CNOT11: variants seen among roughly 807,000 people sequenced by gnomAD.
The protein encoded by CNOT11 is CCR4-NOT transcription complex subunit 11, also known as UPF0760 protein C2orf29.
Under a neutral mutation model 44.6 loss-of-function variants are expected in CNOT11, and 18 were observed. The ratio of observed to expected loss-of-function variants is 0.40; its 90% CI spans 0.28 to 0.60. The LOEUF is 0.60. CNOT11 is among the 20% of genes least tolerant of loss of function. CNOT11 has a pLI of 0.38. For missense variants in CNOT11, 513 were observed against 677.0 expected (o/e 0.76, Z 2.69); for synonymous variants, 291 against 270.9 (o/e 1.07, Z -0.73).
Position 101,266,863 on chromosome 2 carries a change from A to G in CNOT11, c.1222A>G (p.Met408Val), listed in dbSNP as rs1379708185. The change falls in exon 5 of 7, where the codon ATG becomes GTG. Residue 408 changes from methionine to valine, a missense_variant. Around this residue, in one of 4 missense-constraint regions of CNOT11, gnomAD observed 87 missense variants for 185.4 expected, o/e 0.47. Transcript: ENST00000289382. ...CAATATGGACATGTCTTTACATTCA[A>G]TGGAAGTTGTAAATCGGTAAGTTTC... is the stretch of plus-strand genomic sequence containing the variant. ...LVNMDMSLHS[M>V]EVVNRLTTAV... 5 of 1,613,078 alleles carry G rather than the reference A, an allele frequency of 3.1e-6. No homozygotes were observed. The highest frequency in any genetic ancestry group is 3.4e-6 in the Non-Finnish European group (4 of 1,179,064).
intron 3 of CNOT11, among the ~76,000 whole-genome samples, chr2:101,263,506 C>T (rs1234059819): frequency 6.6e-6 from 1 of 152,142 alleles, no homozygotes; most frequent in African/African-American, 2.4e-5. Context: ...CCTCAGACTC[C>T]CACATAGTTG....
chr2:101,258,824 A>G (rs912598192), intron 2 of CNOT11, among the ~76,000 whole-genome samples: 2 of 151,922 alleles, frequency 1.3e-5, no homozygotes, highest in Non-Finnish European at 2.9e-5. Flanking sequence ...AAAAAAAAAA[A>G]AAAAAAGAAA....
At position 101,269,842 on chromosome 2, in the gene CNOT11, C is replaced by T. The variant is rs1255090427; in HGVS notation, c.*429C>T. On this transcript the variant is annotated 3_prime_UTR_variant, in exon 7 of 7. Coordinates refer to ENST00000289382, the MANE Select transcript of CNOT11 (RefSeq NM_017546.5). This position sits in a 1 kb window ranked among gnomAD's most constrained non-coding sequence, Gnocchi z 4.8. ...TGAAAGCAGCTGAATGTTTCTGAAC[C>T]ATCAAGAGGCAAACAAACAGGAGTT... The T allele has an allele frequency of 6.4e-6, 1 of 155,798 alleles. No homozygotes were observed. The highest frequency in any genetic ancestry group is 1.4e-5 in the Non-Finnish European group (1 of 70,520). The allele number at this position is 155,798 out of a possible 1,614,324, so 9.7% of individuals were successfully genotyped here.
In CNOT11 at chr2:101,253,120, A is replaced by C; in HGVS notation, c.156A>C (p.Gly52=). The C allele has an allele frequency of 6.5e-7, 1 of 1,533,154 alleles. No individual in the cohort carries two copies. The highest frequency in any genetic ancestry group is 8.7e-7 in the Non-Finnish European group (1 of 1,148,300). 95.0% of individuals were successfully genotyped at this position (1,533,154 alleles called of 1,614,324 possible). The stretch of plus-strand genomic sequence containing the variant: ...CAAGCGGCCCCGGGTCCGGGAGCGG[A>C]GGCCCGGGGGGCCCCGCGGGCAGGA... ...GGASGPGSGS[G]GPGGPAGRMS... Residue 52 remains glycine (G), a synonymous_variant, in exon 1 of 7, where the codon GGA becomes GGC. Coordinates refer to ENST00000289382, the MANE Select transcript of CNOT11 (RefSeq NM_017546.5). This position sits in a 1 kb window ranked among gnomAD's most constrained non-coding sequence, Gnocchi z 4.3.
chr2:101,253,991 A>C lies in CNOT11; in HGVS notation c.514+513A>C, dbSNP rs1681685282. On this transcript the variant is annotated intron_variant, in intron 1 of 6. Coordinates refer to ENST00000289382, the MANE Select transcript of CNOT11 (RefSeq NM_017546.5). This position sits in a 1 kb window ranked among gnomAD's most constrained non-coding sequence, Gnocchi z 4.3. ...GCAGAGGATAGAAAGTCTCAAATTG[A>C]TGATCTCGCGTTTGGAAACACATGA... Among the ~76,000 whole-genome samples the C allele has an allele frequency of 6.6e-6, 1 of 152,174 alleles. No individual in the cohort carries two copies. The highest frequency in any genetic ancestry group is 2.4e-5 in the African/African-American group (1 of 41,436).
At chr2:101,254,722 C>A (rs6708986) in intron 1 of CNOT11, among the ~76,000 whole-genome samples, 1,664 of 152,182 alleles carry the variant, frequency 0.011, 34 homozygotes, top group African/African-American at 0.039. Flanking sequence ...ATAGTAAGAT[C>A]CTGTCTTTAC....
rs143955212 is a variant in CNOT11, at chr2:101,260,515, C to T, written c.680-2024C>T. On this transcript the variant is annotated intron_variant, in intron 2 of 6. Transcript: ENST00000289382. ...ATTGCAGATGTCCGGATCCATTCCT[C>T]TTCACAAGTGTAAAGAAAAAGCAAG... Among the ~76,000 whole-genome samples, 3 of 152,272 alleles carry T rather than the reference C, an allele frequency of 2.0e-5. No homozygotes were observed. In the East Asian group the frequency reaches 5.8e-4, roughly 29 times the overall value.
chr2:101,257,823 T>C lies in CNOT11; in HGVS notation c.547T>C (p.Phe183Leu). The C allele has an allele frequency of 6.2e-7, 1 of 1,613,792 alleles. No individual in the cohort carries two copies. Among genetic ancestry groups the C allele is most frequent in the Non-Finnish European group, 8.5e-7 (1 of 1,179,862 alleles). Residue 183 changes from phenylalanine to leucine, a missense_variant, in exon 2 of 7, where the codon TTT becomes CTT. By Grantham distance (22) the Phe-to-Leu change is conservative. Transcript: ENST00000289382. ...FLPPITPPEK[F>L]FLSQLMLAPP... is the part of the protein sequence containing the mutation. ...ACCTCCTATAACTCCACCAGAAAAG[T>C]TTTTTCTTTCCCAGCTGATGCTGGC...
chr2:101,265,142 C>T, intron 4 of CNOT11, 95 bp downstream of exon 4: 1 of 854,092 alleles, frequency 1.2e-6, no homozygotes, highest in Non-Finnish European at 1.7e-6. Flanking sequence ...ACTCGGCTGC[C>T]CAGGGTGGAG....
At position 101,253,082 on chromosome 2, in the gene CNOT11, G is replaced by A. The variant is rs1304836225; in HGVS notation, c.118G>A (p.Gly40Ser). ...SRSGFGGSGG[G>S]RGGASGPGSG... ...GAGCGGCTTCGGGGGCTCCGGCGGC[G>A]GCAGAGGCGGAGCAAGCGGCCCCGG... Residue 40 changes from glycine (G) to serine (S), a missense_variant, in exon 1 of 7, where the codon GGC (glycine) becomes AGC (serine). Around this residue, in one of 4 missense-constraint regions of CNOT11, gnomAD observed 259 missense variants for 265.7 expected, o/e 0.97. Coordinates refer to ENST00000289382, the MANE Select transcript of CNOT11 (RefSeq NM_017546.5). The surrounding 1 kb of genome is among the most constrained non-coding windows in gnomAD (Gnocchi z 4.3). 6.6e-7 allele frequency: 1 copy of A among 1,514,134 alleles called. No individual in the cohort carries two copies. The highest frequency in any genetic ancestry group is 1.2e-5 in the South Asian group (1 of 81,348). 93.8% of individuals were successfully genotyped at this position (1,514,134 alleles called of 1,614,324 possible).
Position 101,257,770 on chromosome 2 carries a change from GT to G in CNOT11, c.515-19del, listed in dbSNP as rs780301891. 7.3e-5 allele frequency: 116 copies of G among 1,595,760 alleles called. No individual in the cohort carries two copies. In the Middle Eastern group the frequency reaches 8.4e-4, roughly 12 times the overall value. ...TTTAAAAGTAACCATTGGAGAAATCGTTATACATTTTTGTTTGCAGGATTTT... is the reference window on the plus strand; with the variant it reads ...TTTAAAAGTAACCATTGGAGAAATCGTATACATTTTTGTTTGCAGGATTTT... On this transcript the variant is annotated intron_variant, in intron 1 of 6. Transcript: ENST00000289382.
At chr2:101,257,205 C>T (rs541801239) in intron 1 of CNOT11, among the ~76,000 whole-genome samples, 7 of 151,878 alleles carry the variant, frequency 4.6e-5, no homozygotes, top group African/African-American at 1.4e-4. Flanking sequence ...CCAGCCTGGC[C>T]AACATGGTGA....
At chr2:101,254,268 C>G (rs1332778779) in intron 1 of CNOT11, among the ~76,000 whole-genome samples, 1 of 152,114 alleles carries the variant, frequency 6.6e-6, no homozygotes, top group Non-Finnish European at 1.5e-5. Flanking sequence ...AGGAAGCACA[C>G]AGAGATAGGA....
At chr2:101,254,850 G>A (rs966487094) in intron 1 of CNOT11, among the ~76,000 whole-genome samples, 2 of 151,318 alleles carry the variant, frequency 1.3e-5, no homozygotes, top group Non-Finnish European at 3.0e-5. Context: ...GTGAGTTAGG[G>A]TGACAGCTTC....
chr2:101,269,017 C>A lies in CNOT11; in HGVS notation c.1239-23C>A. 1 of 1,476,930 alleles carries A rather than the reference C, an allele frequency of 6.8e-7. No individual in the cohort carries two copies. The highest frequency in any genetic ancestry group is 9.3e-7 in the Non-Finnish European group (1 of 1,075,404). The allele number at this position is 1,476,930 out of a possible 1,614,324, so 91.5% of individuals were successfully genotyped here. A position where few individuals can be genotyped will look rare whatever the true frequency, so the allele number is the denominator to read the frequency against. On this transcript the variant is annotated intron_variant, in intron 5 of 6. Coordinates refer to ENST00000289382, the MANE Select transcript of CNOT11 (RefSeq NM_017546.5). This position sits in a 1 kb window ranked among gnomAD's most constrained non-coding sequence, Gnocchi z 4.8. ...AATGTTAGCAAATGAAATTAATGGG[C>A]CAAATTTTCTTTTACGAAACAGACT...
intron 1 of CNOT11, 123 bp from the exon 2 acceptor site, chr2:101,257,668 T>C: frequency 1.4e-6 from 1 of 698,632 alleles, no homozygotes; most frequent in Non-Finnish European, 2.4e-6. Context: ...TGAAACTTAA[T>C]CATAATTTAG....
Position 101,266,505 on chromosome 2 carries a change from A to G in CNOT11, c.1036-172A>G, listed in dbSNP as rs151202669. Among the ~76,000 whole-genome samples, 958 of 152,366 alleles carry G rather than the reference A, an allele frequency of 6.3e-3. 4 individuals carry two copies. Among genetic ancestry groups the G allele is most frequent in the African/African-American group, 0.022 (915 of 41,582 alleles). On this transcript the variant is annotated intron_variant, in intron 4 of 6. Coordinates refer to ENST00000289382, the MANE Select transcript of CNOT11 (RefSeq NM_017546.5). ...TTGTTCAAAATTAAAATGTAAATTT[A>G]GAAATGTCAAGACATCATGGGTTTG...
intron 2 of CNOT11, among the ~76,000 whole-genome samples, chr2:101,261,318 G>C (rs1681856223): frequency 6.6e-6 from 1 of 152,086 alleles, no homozygotes; most frequent in Admixed American, 6.5e-5. Context: ...ATGTGGAATT[G>C]TACTGCATTT....
chr2:101,269,194 A>G lies in CNOT11; in HGVS notation c.1336-22A>G. ...CTGCCAGGAAAATGAGCAGACTAACATTTTTTTTTTTCCTTTTTCAGAATC... is the reference window on the plus strand; with the variant it reads ...CTGCCAGGAAAATGAGCAGACTAACGTTTTTTTTTTTCCTTTTTCAGAATC... On this transcript the variant is annotated intron_variant, in intron 6 of 6. Transcript: ENST00000289382. The surrounding 1 kb of genome is among the most constrained non-coding windows in gnomAD (Gnocchi z 4.8). 1 of 1,227,956 alleles carries G rather than the reference A, an allele frequency of 8.1e-7. No individual in the cohort carries two copies. The highest frequency in any genetic ancestry group is 1.1e-6 in the Non-Finnish European group (1 of 887,070). 76.1% of individuals were successfully genotyped at this position (1,227,956 alleles called of 1,614,324 possible).
Sources: allele counts gnomAD v4.1 joint callset (sites outside exome capture counted in the v4.1 genomes callset), GRCh38; gene constraint gnomAD v4.1.1; regional missense constraint gnomAD v4.1.1; non-coding constraint Gnocchi (gnomAD v3.1); transcripts MANE v1.5; gene names NCBI Gene and HGNC (gene_info 2026-07-23, HGNC 2026-07-21).